LRBA: variants seen among roughly 807,000 people sequenced by gnomAD.
LRBA encodes the protein lipopolysaccharide-responsive and beige-like anchor protein.
Under a neutral mutation model 330.0 loss-of-function variants are expected in LRBA, and 176 were observed. The ratio of observed to expected loss-of-function variants is 0.53; its 90% CI spans 0.47 to 0.60. The LOEUF is 0.60. LRBA is among the 20% of genes least tolerant of loss of function. The probability of loss-of-function intolerance (pLI) is 0.00; values close to 1 mark genes in which losing one functional copy is unlikely to be tolerated. For synonymous variants in LRBA, 1,230 were observed against 1,193.0 expected (o/e 1.03, Z -0.64); for missense variants, 3,259 against 3,444.8 (o/e 0.95, Z 1.35).
At chr4:150,847,352 A>G (rs1407014206) in intron 26 of LRBA, among the ~76,000 whole-genome samples, 1 of 152,152 alleles carries the variant, frequency 6.6e-6, no homozygotes, top group African/African-American at 2.4e-5. Flanking sequence ...TGTTATTCCA[A>G]GTTACTTAGA....
chr4:150,988,468 A>T (rs1448131719), intron 2 of LRBA, among the ~76,000 whole-genome samples: 2 of 152,232 alleles, frequency 1.3e-5, no homozygotes, highest in African/African-American at 4.8e-5. Flanking sequence ...ATTAGTTAAA[A>T]TGACATATGA....
At chr4:150,297,345 T>C (rs1012470282) in intron 53 of LRBA, among the ~76,000 whole-genome samples, 2 of 152,242 alleles carry the variant, frequency 1.3e-5, no homozygotes, top group African/African-American at 2.4e-5. Context: ...AATACAGAGT[T>C]GTTTTGCTGG....
intron 54 of LRBA, among the ~76,000 whole-genome samples, chr4:150,284,339 A>G (rs1747895604): frequency 1.3e-5 from 2 of 152,240 alleles, no homozygotes; most frequent in African/African-American, 4.8e-5. Flanking sequence ...TCCCCAAGGC[A>G]TAGAAAAGAT....
At chr4:150,995,426 A>C (rs938686562) in intron 2 of LRBA, among the ~76,000 whole-genome samples, 4 of 152,072 alleles carry the variant, frequency 2.6e-5, no homozygotes, top group Non-Finnish European at 5.9e-5. Flanking sequence ...ACATGAAAAT[A>C]ATCAGATATA....
intron 47 of LRBA, among the ~76,000 whole-genome samples, chr4:150,350,707 G>A (rs925456332): frequency 1.9e-4 from 29 of 152,088 alleles, no homozygotes; most frequent in East Asian, 1.2e-3. Flanking sequence ...TTTTTCTACC[G>A]TACTGACAGC....
chr4:150,306,044 A>C (rs1730312641), intron 52 of LRBA, among the ~76,000 whole-genome samples: 1 of 152,100 alleles, frequency 6.6e-6, no homozygotes, highest in African/African-American at 2.4e-5. Context: ...GACAGAACAA[A>C]TTTTCTAGTT....
chr4:150,798,480 C>T (rs1478660529), intron 33 of LRBA, among the ~76,000 whole-genome samples: 1 of 152,142 alleles, frequency 6.6e-6, no homozygotes, highest in East Asian at 1.9e-4. Flanking sequence ...GATCGTTATA[C>T]ATGCAGAGAA....
At chr4:150,336,386 A>G (rs1734736655) in intron 48 of LRBA, among the ~76,000 whole-genome samples, 1 of 152,206 alleles carries the variant, frequency 6.6e-6, no homozygotes, top group Non-Finnish European at 1.5e-5. Context: ...ATTTAGTATT[A>G]ATTAAATACA....
chr4:150,615,473 T>A (rs1004585072), intron 37 of LRBA, among the ~76,000 whole-genome samples: 38 of 152,072 alleles, frequency 2.5e-4, no homozygotes, highest in Admixed American at 1.1e-3. Context: ...TAGTAAAAAG[T>A]CATTGAATTA....
intron 13 of LRBA, among the ~76,000 whole-genome samples, chr4:150,903,057 G>T (rs1014163486): frequency 6.6e-6 from 1 of 152,180 alleles, no homozygotes; most frequent in Admixed American, 6.5e-5. Context: ...TAAAACTGCT[G>T]GGGCTAAGAA....
At chr4:150,817,795 T>G (rs187241172) in intron 30 of LRBA, among the ~76,000 whole-genome samples, 3 of 152,202 alleles carry the variant, frequency 2.0e-5, no homozygotes, top group Non-Finnish European at 4.4e-5. Flanking sequence ...TAGTCAAAGT[T>G]CTTTATCTTG....
intron 35 of LRBA, among the ~76,000 whole-genome samples, chr4:150,759,437 C>T (rs2126455924): frequency 6.6e-6 from 1 of 152,312 alleles, no homozygotes; most frequent in South Asian, 2.1e-4. Flanking sequence ...CTCACTTGTA[C>T]ACTGGCTGTT....
intron 34 of LRBA, among the ~76,000 whole-genome samples, chr4:150,782,243 T>A (rs1321800801): frequency 6.6e-6 from 1 of 152,192 alleles, no homozygotes; most frequent in Non-Finnish European, 1.5e-5. Context: ...ACACTGTTAC[T>A]GAAAGAGGGA....
chr4:151,003,778 C>T (rs1743684459), intron 2 of LRBA, among the ~76,000 whole-genome samples: 1 of 151,928 alleles, frequency 6.6e-6, no homozygotes, highest in African/African-American at 2.4e-5. Context: ...GGCAACAGAG[C>T]AAGACCCTGT....
intron 2 of LRBA, among the ~76,000 whole-genome samples, chr4:150,987,671 A>T (rs1741610506): frequency 6.6e-6 from 1 of 151,346 alleles, no homozygotes; most frequent in Non-Finnish European, 1.5e-5. Flanking sequence ...GCACCACTGC[A>T]CTCCAGCCTG....
At chr4:150,287,322 T>C (rs888579899) in intron 53 of LRBA, among the ~76,000 whole-genome samples, 4 of 152,238 alleles carry the variant, frequency 2.6e-5, no homozygotes, top group African/African-American at 9.6e-5. Context: ...GCAAGGGTTC[T>C]TCCAGTAGGT....
intron 34 of LRBA, among the ~76,000 whole-genome samples, chr4:150,794,229 G>T (rs1578802789): frequency 6.6e-6 from 1 of 152,236 alleles, no homozygotes; most frequent in Non-Finnish European, 1.5e-5. Context: ...TGAGGTTCAG[G>T]CATTAAGAGA....
chr4:150,991,068 AAAGAAGACG>A (rs957040793), intron 2 of LRBA, among the ~76,000 whole-genome samples: 4 of 151,890 alleles, frequency 2.6e-5, no homozygotes, highest in African/African-American at 9.7e-5. Flanking sequence ...AAAAAAAAAA[AAAGAAGACG>A]AAGAAGAAAA....
intron 43 of LRBA, among the ~76,000 whole-genome samples, chr4:150,470,486 C>T (rs1356072734): frequency 6.6e-6 from 1 of 152,124 alleles, no homozygotes; most frequent in East Asian, 1.9e-4. Flanking sequence ...TCTCACATCT[C>T]TTGGTGATTT....
Sources: allele counts gnomAD v4.1 joint callset (sites outside exome capture counted in the v4.1 genomes callset), GRCh38; gene constraint gnomAD v4.1.1; transcripts MANE v1.5; gene names NCBI Gene and HGNC (gene_info 2026-07-23, HGNC 2026-07-21).